The following NCKAP5 variants were observed in gnomAD, a reference collection of about 807,000 sequenced individuals.
NCKAP5 encodes the protein NCK associated protein 5.
In NCKAP5, 92 loss-of-function variants were observed where a neutral mutation model predicts 167.0. The observed-to-expected ratio is 0.55, with a 90% CI of 0.47 to 0.66. The LOEUF (loss-of-function observed/expected upper bound fraction) is 0.66. NCKAP5 is among the 30% of genes least tolerant of loss of function. The pLI is 0.00. For missense variants in NCKAP5, 2,378 were observed against 2,315.0 expected, an observed-to-expected ratio of 1.03 and a Z score of -0.56; for synonymous variants, 891 against 877.4, an observed-to-expected ratio of 1.02 and a Z score of -0.27.
chr2:133,562,584 C>A (rs960669807), intron 1 of NCKAP5, among the ~76,000 whole-genome samples: 3 of 152,204 alleles, frequency 2.0e-5, no homozygotes, highest in South Asian at 2.1e-4. Context: ...TCTTTCAACA[C>A]CGTAATATTT....
At chr2:132,852,126 G>A (rs1039456235) in intron 11 of NCKAP5, among the ~76,000 whole-genome samples, 2 of 152,070 alleles carry the variant, frequency 1.3e-5, no homozygotes, top group Non-Finnish European at 2.9e-5. Context: ...CCAAAACTCA[G>A]AATGAAAATG....
chr2:133,238,818 C>T (rs923268573), intron 4 of NCKAP5, among the ~76,000 whole-genome samples: 1 of 152,182 alleles, frequency 6.6e-6, no homozygotes, highest in Non-Finnish European at 1.5e-5. Context: ...AGTTCCTCTA[C>T]CACATAAATG....
At chr2:132,978,172 T>G (rs776979762) in intron 7 of NCKAP5, among the ~76,000 whole-genome samples, 4 of 152,216 alleles carry the variant, frequency 2.6e-5, no homozygotes, top group Non-Finnish European at 5.9e-5. Flanking sequence ...ATCCAAAACC[T>G]GGGTAACCAG....
Position 133,317,991 on chromosome 2 carries a change from G to A in NCKAP5, c.70-14881C>T, listed in dbSNP as rs72846332. ...TTTCACTGTGCAGCTCCTCTTTCTC[G>A]TTTGCTATCTTAGCAAGCCCTGTCA... On this transcript the variant is annotated intron_variant, in intron 3 of 19. Coordinates refer to ENST00000409261, the MANE Select transcript of NCKAP5 (RefSeq NM_207363.3). 4.1e-3 allele frequency among the ~76,000 whole-genome samples: 627 copies of A among 152,266 alleles called. 2 individuals carry two copies. Among genetic ancestry groups the A allele is most frequent in the Middle Eastern group, 6.8e-3 (2 of 294 alleles).
At chr2:133,484,419 G>A (rs116393694) in intron 3 of NCKAP5, among the ~76,000 whole-genome samples, 303 of 152,188 alleles carry the variant, frequency 2.0e-3, no homozygotes, top group African/African-American at 7.0e-3. Flanking sequence ...CTCACAAGCC[G>A]GCATGTCCTG....
chr2:133,209,095 C>A (rs1252172300), intron 5 of NCKAP5, among the ~76,000 whole-genome samples: 1 of 151,720 alleles, frequency 6.6e-6, no homozygotes, highest in Non-Finnish European at 1.5e-5. Context: ...TATAAAAGTT[C>A]TAGAAGATAA....
At chr2:133,109,045 A>C (rs2081817848) in intron 6 of NCKAP5, among the ~76,000 whole-genome samples, 1 of 152,204 alleles carries the variant, frequency 6.6e-6, no homozygotes, top group Admixed American at 6.5e-5. Flanking sequence ...GTTAAGGACT[A>C]ACCATTCCCT....
At chr2:132,821,228 A>G (rs905530662) in intron 11 of NCKAP5, among the ~76,000 whole-genome samples, 9 of 152,210 alleles carry the variant, frequency 5.9e-5, no homozygotes, top group African/African-American at 1.9e-4. Flanking sequence ...AGGGGGAGAA[A>G]CTACCTCTGA....
intron 6 of NCKAP5, among the ~76,000 whole-genome samples, chr2:133,078,224 C>T (rs1014086260): frequency 1.3e-5 from 2 of 152,166 alleles, no homozygotes; most frequent in East Asian, 3.9e-4. Context: ...CCCAACATTT[C>T]AAGTCAGGAC....
At chr2:133,332,439 C>A (rs796292871) in intron 3 of NCKAP5, among the ~76,000 whole-genome samples, 10 of 152,164 alleles carry the variant, frequency 6.6e-5, no homozygotes, top group African/African-American at 2.4e-4. Context: ...GCCAAAAAAA[C>A]CCCACAAAAT....
chr2:132,690,778 G>T (rs139633443), intron 19 of NCKAP5, among the ~76,000 whole-genome samples: 1 of 152,060 alleles, frequency 6.6e-6, no homozygotes, highest in African/African-American at 2.4e-5. Flanking sequence ...AGTAAGAGGA[G>T]GGGGGGAAAC....
chr2:132,857,896 A>G (rs2105523733), intron 11 of NCKAP5, among the ~76,000 whole-genome samples: 1 of 152,298 alleles, frequency 6.6e-6, no homozygotes, highest in South Asian at 2.1e-4. Flanking sequence ...CTCCCACATA[A>G]GAATTTGCTA....
At chr2:133,460,102 C>T (rs1692110271) in intron 3 of NCKAP5, among the ~76,000 whole-genome samples, 1 of 152,180 alleles carries the variant, frequency 6.6e-6, no homozygotes, top group South Asian at 2.1e-4. Context: ...TACACTCTGT[C>T]TCCATTGGAT....
chr2:132,729,153 C>T (rs944296450), intron 17 of NCKAP5, among the ~76,000 whole-genome samples: 3 of 152,118 alleles, frequency 2.0e-5, no homozygotes, highest in Admixed American at 2.0e-4. Context: ...CTATAGAAGC[C>T]CCTTTTCAAG....
At chr2:133,590,523 C>CA in the NCKAP5 span, among the ~76,000 whole-genome samples, 627 of 89,432 alleles carry the variant, frequency 7.0e-3, 9 homozygotes, top group Non-Finnish European at 9.4e-3. Flanking sequence ...GACTCTGTCT[C>CA]AAAAAAAAAA....
upstream of NCKAP5, among the ~76,000 whole-genome samples, chr2:133,570,059 C>CA (rs142468705): frequency 0.3 from 45,900 of 151,936 alleles, 7,316 homozygotes; most frequent in South Asian, 0.4. Context: ...TACAAGAAAA[C>CA]AAAAATGGAG....
At chr2:132,795,820 G>GAAAAAAAAAAAAA (rs55826486) in intron 12 of NCKAP5, among the ~76,000 whole-genome samples, 23 of 84,994 alleles carry the variant, frequency 2.7e-4, no homozygotes, top group Non-Finnish European at 4.1e-4. Flanking sequence ...CCCCGTATCA[G>GAAAAAAAAAAAAA]AAAAAAAAAA....
chr2:133,652,747 C>T, the NCKAP5 span, among the ~76,000 whole-genome samples: 1 of 152,184 alleles, frequency 6.6e-6, no homozygotes, highest in African/African-American at 2.4e-5. Flanking sequence ...CTGTTGCTTC[C>T]AGTACAGTTG....
intron 15 of NCKAP5, among the ~76,000 whole-genome samples, chr2:132,776,930 A>T (rs1486533495): frequency 2.0e-5 from 3 of 152,212 alleles, no homozygotes; most frequent in Admixed American, 6.5e-5. Flanking sequence ...GTGGGAAAGC[A>T]CTGCAAAGAA....
Sources: gnomAD v4.1 joint callset for allele counts (sites outside exome capture counted in the v4.1 genomes callset) on GRCh38, gnomAD v4.1.1 for gene constraint, MANE v1.5 for transcripts, NCBI Gene and HGNC (gene_info 2026-07-23, HGNC 2026-07-21) for gene names.